Variants in ATXN2L observed in about 807,000 individuals in gnomAD.
ATXN2L encodes the protein ataxin 2 like, also known as ataxin-2-like protein.
In ATXN2L, 24 loss-of-function variants were observed where a neutral mutation model predicts 120.7. The ratio of observed to expected loss-of-function variants is 0.20; its 90% confidence interval spans 0.14 to 0.28. ATXN2L has a LOEUF of 0.28. Among genes scored for constraint, ATXN2L ranks in the 10% least tolerant of loss-of-function variants. The pLI is 1.00. For synonymous variants in ATXN2L, 653 were observed against 568.1 expected, an observed-to-expected ratio of 1.15 and a Z score of -2.13; for missense variants, 1,312 against 1,432.3, an observed-to-expected ratio of 0.92 and a Z score of 1.36.
chr16:28,832,833 T>A lies in ATXN2L; in HGVS notation c.1605T>A (p.Asn535Lys), dbSNP rs1359720008. 6.2e-7 allele frequency: 1 copy of A among 1,614,090 alleles called. No individual in the cohort carries two copies. Among genetic ancestry groups the A allele is most frequent in the East Asian group, 2.2e-5 (1 of 44,892 alleles). ...RIAGKVPGLQ[N>K]EQKRFQLEEL... is the part of the protein sequence containing the mutation. ...TTCTCATAGTCCCTGGTCTTCAGAATGAACAGAAACGATTCCAACTGGAAG... is the reference window on the plus strand; with the variant it reads ...TTCTCATAGTCCCTGGTCTTCAGAAAGAACAGAAACGATTCCAACTGGAAG... Residue 535 changes from asparagine (N) to lysine (K), a missense_variant, in exon 13 of 22, where the codon AAT becomes AAA. Transcript: ENST00000336783.
rs1331012655 is a variant in ATXN2L, at chr16:28,835,600, C to G, written c.2737C>G (p.Leu913Val). 1 of 1,614,070 alleles carries G rather than the reference C, an allele frequency of 6.2e-7. No homozygotes were observed. Among genetic ancestry groups the G allele is most frequent in the Admixed American group, 1.7e-5 (1 of 60,016 alleles). The change falls in exon 21 of 22, where the codon CTG becomes GTG. Residue 913 changes from leucine to valine, a missense_variant. Physicochemically the swap from Leu to Val is conservative, Grantham distance 32. Coordinates refer to ENST00000336783, the MANE Select transcript of ATXN2L (RefSeq NM_007245.4). ...HLGSGQPQQN[L>V]YHPGALTGTP... ...GGGCAGTGGACAGCCACAGCAGAAT[C>G]TGTACCACCCAGGGGCCCTGACAGG...
chr16:28,829,646 T>C, intron 7 of ATXN2L, 154 bp downstream of exon 7: 4 of 772,318 alleles, frequency 5.2e-6, no homozygotes, highest in Non-Finnish European at 8.5e-6. Context: ...AATTCTTCCC[T>C]CAAAGGTTTT....
At chr16:28,829,369 T>G in intron 6 of ATXN2L, 32 bp from the exon 7 acceptor site, 1 of 1,475,814 alleles carries the variant, frequency 6.8e-7, no homozygotes, top group Non-Finnish European at 9.5e-7. Context: ...CTTTTCCTGC[T>G]GGGTTTTAAA....
At chr16:28,830,398 C>G (rs1488453133) in intron 8 of ATXN2L, among the ~76,000 whole-genome samples, 1 of 152,082 alleles carries the variant, frequency 6.6e-6, no homozygotes, top group Non-Finnish European at 1.5e-5. Context: ...GGAGCACTGG[C>G]CAGGTTGGTT....
intron 10 of ATXN2L, 60 bp downstream of exon 10, chr16:28,831,132 A>G (rs908531780): frequency 1.7e-6 from 2 of 1,180,746 alleles, no homozygotes; most frequent in Non-Finnish European, 2.4e-6. Context: ...AGATGTAAAT[A>G]TGTCCATTTG....
chr16:28,833,474 A>AT lies in ATXN2L; in HGVS notation c.1991_1992insT (p.Lys664AsnfsTer14). ...AAATCAACGTTGAACCCTAATGCTA[A>AT]GGAGTTCAATCCTACAAAGCCTCTG... On this transcript the variant is annotated frameshift_variant, in exon 15 of 22. Transcript: ENST00000336783. LOFTEE classifies it high-confidence loss of function. 1 of 1,614,232 alleles carries AT rather than the reference A, an allele frequency of 6.2e-7. No individual in the cohort carries two copies.
chr16:28,825,516 G>A, intron 2 of ATXN2L, 108 bp from the exon 3 acceptor site: 1 of 1,534,792 alleles, frequency 6.5e-7, no homozygotes, highest in Non-Finnish European at 9.0e-7. Flanking sequence ...AGGGCTGTGG[G>A]CCCGGCACAC....
intron 18 of ATXN2L, 148 bp downstream of exon 18, chr16:28,834,841 T>C: frequency 8.3e-7 from 1 of 1,202,916 alleles, no homozygotes. Flanking sequence ...AGACTTGGGC[T>C]TGAGCCCTGG....
At chr16:28,825,444 A>T in intron 2 of ATXN2L, 42 bp downstream of exon 2, 1 of 1,603,392 alleles carries the variant, frequency 6.2e-7, no homozygotes, top group Non-Finnish European at 8.5e-7. Context: ...CATAGACCTA[A>T]AAGATGCATA....
At chr16:28,835,789 T>C in intron 21 of ATXN2L, 31 bp downstream of exon 21, 4 of 1,612,880 alleles carry the variant, frequency 2.5e-6, no homozygotes, top group Non-Finnish European at 3.4e-6. Flanking sequence ...CTTCTGGGTC[T>C]GTTTGCCAGG....
rs141652504 is a variant in ATXN2L, at chr16:28,832,366, G to C, written c.1483G>C (p.Ala495Pro). Residue 495 changes from alanine (A) to proline (P), a missense_variant, in exon 11 of 22, where the codon GCT becomes CCT. By Grantham distance (27) the Ala-to-Pro change is conservative (BLOSUM62 -1). Coordinates refer to ENST00000336783, the MANE Select transcript of ATXN2L (RefSeq NM_007245.4). ...SDPGVGSISP[A>P]SPKISLAPTD... ...TCCTGGAGTGGGCTCCATTTCTCCA[G>C]CTTCTCCAAAGATCTCCCTGGCCCC... 1.5e-5 allele frequency: 25 copies of C among 1,614,056 alleles called. No homozygotes were observed. The highest frequency in any genetic ancestry group is 2.0e-5 in the Non-Finnish European group (24 of 1,180,054).
Position 28,836,318 on chromosome 16 carries a change from C to CT in ATXN2L, c.*54dup. 1 of 1,612,294 alleles carries CT rather than the reference C, an allele frequency of 6.2e-7. No individual in the cohort carries two copies. Among genetic ancestry groups the CT allele is most frequent in the Non-Finnish European group, 8.5e-7 (1 of 1,179,218 alleles). On this transcript the variant is annotated 3_prime_UTR_variant, in exon 22 of 22. Transcript: ENST00000336783. Reference sequence around the variant, plus strand: ...AGGGCGCCCGCCGACCTGCACCTGTCTGTGAAGTATGTAGGGTGGGCAGAA... The same window carrying CT: ...AGGGCGCCCGCCGACCTGCACCTGTCTTGTGAAGTATGTAGGGTGGGCAGAA...
Position 28,834,194 on chromosome 16 carries a change from A to G in ATXN2L, c.2155A>G (p.Met719Val), listed in dbSNP as rs769608228. ...QYISYIPQIH[M>V]GPAVQAPQMY... ...CATCTCCTACATACCTCAGATCCAC[A>G]TGGGACCAGCTGTGCAGGTATGCAG... Residue 719 changes from methionine (M) to valine (V), a missense_variant, in exon 16 of 22, where the codon ATG (methionine) becomes GTG (valine). Met to Val is a conservative substitution (Grantham distance 21). Transcript: ENST00000336783. 2.6e-5 allele frequency: 42 copies of G among 1,613,852 alleles called. No homozygotes were observed. Among genetic ancestry groups the G allele is most frequent in the African/African-American group, 8.0e-5 (6 of 74,892 alleles).
At position 28,834,604 on chromosome 16, in the gene ATXN2L, A is replaced by G; in HGVS notation, c.2344A>G (p.Thr782Ala). ...AAAGPPLVAA[T>A]PYSSYIPYNP... is the part of the protein sequence containing the mutation. ...TGCTGGCCCGCCTCTGGTGGCTGCC[A>G]CGCCCTATTCTTCCTACATCCCCTA... is the stretch of plus-strand genomic sequence containing the variant. Residue 782 changes from threonine (T) to alanine (A), a missense_variant, in exon 18 of 22, where the codon ACG (threonine) becomes GCG (alanine). Transcript: ENST00000336783. 1 of 1,613,744 alleles carries G rather than the reference A, an allele frequency of 6.2e-7. No homozygotes were observed. The highest frequency in any genetic ancestry group is 8.5e-7 in the Non-Finnish European group (1 of 1,179,972).
chr16:28,825,045 T>G (rs965964263), intron 1 of ATXN2L, among the ~76,000 whole-genome samples: 16 of 144,126 alleles, frequency 1.1e-4, no homozygotes, highest in African/African-American at 4.0e-4. Flanking sequence ...AAATCCCATC[T>G]CTACTAAAAA....
chr16:28,824,638 ATGAT>A (rs2051114469), intron 1 of ATXN2L: 1 of 1,173,732 alleles, frequency 8.5e-7, no homozygotes, highest in Non-Finnish European at 1.1e-6. Flanking sequence ...GCTGCTGAAA[ATGAT>A]TGTCTTTTCT....
At position 28,834,131 on chromosome 16, in the gene ATXN2L, C is replaced by G; in HGVS notation, c.2092C>G (p.Leu698Val). The change falls in exon 16 of 22, where the codon CTG becomes GTG. Residue 698 changes from leucine (L) to valine (V), a missense_variant. By Grantham distance (32) the Leu-to-Val change is conservative. Transcript: ENST00000336783. Reference protein sequence around the residue: ...RTHSTPSIPVLTAGQSGLYSP... With the variant: ...RTHSTPSIPVVTAGQSGLYSP... ...TCATTCAACTCCCTCCATCCCGGTG[C>G]TGACAGCAGGCCAGAGTGGGCTATA... The G allele has an allele frequency of 6.2e-7, 1 of 1,614,176 alleles. No homozygotes were observed.
At position 28,829,849 on chromosome 16, in the gene ATXN2L, C is replaced by G; in HGVS notation, c.834-9C>G. On this transcript the variant is annotated splice_polypyrimidine_tract_variant and intron_variant, in intron 7 of 21. Transcript: ENST00000336783. ...CTGGGATGGTGGTGGTCTGTGGGTG[C>G]TGTCTCAGGGTGCCCTTAGAAAAGG... The G allele has an allele frequency of 6.2e-7, 1 of 1,613,742 alleles. No homozygotes were observed. The highest frequency in any genetic ancestry group is 8.5e-7 in the Non-Finnish European group (1 of 1,179,608).
rs1206203261 is a variant in ATXN2L, at chr16:28,836,915, C to T, written c.*650C>T. The T allele has an allele frequency of 5.4e-6, 5 of 928,660 alleles. No individual in the cohort carries two copies. Among genetic ancestry groups the T allele is most frequent in the Non-Finnish European group, 6.6e-6 (4 of 607,484 alleles). 57.5% of individuals were successfully genotyped at this position (928,660 alleles called of 1,614,324 possible). A position where few individuals can be genotyped will look rare whatever the true frequency, so the allele number is the denominator to read the frequency against. On this transcript the variant is annotated 3_prime_UTR_variant, in exon 22 of 22. Transcript: ENST00000336783. ...GGAGCTGGGGAATTCCTGCCAAGCA[C>T]CTTGAATGGGAGGGGCCTCACAGAG...
Sources: gnomAD v4.1 joint callset for allele counts (sites outside exome capture counted in the v4.1 genomes callset) on GRCh38, gnomAD v4.1.1 for gene constraint, MANE v1.5 for transcripts, NCBI Gene and HGNC (gene_info 2026-07-23, HGNC 2026-07-21) for gene names.